The following SYNE2 variants were observed in gnomAD, a reference collection of about 807,000 sequenced individuals.
The protein encoded by SYNE2 is nesprin-2.
Under a neutral mutation model 856.3 loss-of-function variants are expected in SYNE2, and 431 were observed. That is an observed-to-expected ratio of 0.50 (90% CI 0.47 to 0.55). The LOEUF is 0.55. Ranked by LOEUF, SYNE2 falls within the 20% of genes least tolerant of loss-of-function variation. The pLI, the probability that SYNE2 is intolerant of heterozygous loss-of-function variation, is 0.00. For synonymous variants in SYNE2, 2,923 were observed against 2,872.3 expected (o/e 1.02, Z -0.56); for missense variants, 8,129 against 8,023.2 (o/e 1.01, Z -0.50).
In SYNE2 at chr14:64,153,614, G is replaced by C. The variant is rs533147948; in HGVS notation, c.15792+898G>C. Among the ~76,000 whole-genome samples, 31 of 152,318 alleles carry C rather than the reference G, an allele frequency of 2.0e-4. 1 individual carries two copies. Among genetic ancestry groups the C allele is most frequent in the African/African-American group, 5.8e-4 (24 of 41,564 alleles). Reference sequence around the variant, plus strand: ...AGAAAAATAGAGATGAGCTTATTCAGTCATTTGTTAAGCATACATTGTGTG... The same window carrying C: ...AGAAAAATAGAGATGAGCTTATTCACTCATTTGTTAAGCATACATTGTGTG... On this transcript the variant is annotated intron_variant, in intron 85 of 115. Transcript: ENST00000555002.
At chr14:63,871,940 C>T (rs1436897892) in intron 1 of SYNE2, among the ~76,000 whole-genome samples, 4 of 152,122 alleles carry the variant, frequency 2.6e-5, no homozygotes, top group Non-Finnish European at 4.4e-5. Flanking sequence ...TGGTTGTGAC[C>T]TCTTCCTCCT....
intron 62 of SYNE2, 99 bp downstream of exon 62, chr14:64,098,245 C>T (rs2097693421): frequency 7.6e-7 from 1 of 1,321,442 alleles, no homozygotes; most frequent in South Asian, 1.2e-5. Context: ...ATGTCTATGG[C>T]CTGTAGTAAA....
At chr14:63,916,449 A>G (rs2095534396) in intron 2 of SYNE2, among the ~76,000 whole-genome samples, 1 of 152,208 alleles carries the variant, frequency 6.6e-6, no homozygotes. Context: ...TCCTCGAAGT[A>G]TGTTGTAGGT....
At chr14:64,082,085 C>CAA (rs796494220) in intron 57 of SYNE2, among the ~76,000 whole-genome samples, 4 of 137,916 alleles carry the variant, frequency 2.9e-5, no homozygotes, top group African/African-American at 1.1e-4. Context: ...GACTCCGTCT[C>CAA]AAAAAAAAAA....
intron 8 of SYNE2, chr14:63,960,988 G>C: frequency 1.9e-6 from 1 of 516,116 alleles, no homozygotes; most frequent in Non-Finnish European, 3.4e-6. Context: ...CACAAAGCCT[G>C]GCCTGTAGAA....
intron 23 of SYNE2, among the ~76,000 whole-genome samples, chr14:63,996,301 C>T (rs1378782785): frequency 6.6e-6 from 1 of 152,138 alleles, no homozygotes; most frequent in Admixed American, 6.5e-5. Flanking sequence ...TTACCTAAGC[C>T]AGGGTTCTTT....
At chr14:63,766,340 A>G (rs1283741617) in intron 1 of SYNE2, among the ~76,000 whole-genome samples, 2 of 152,146 alleles carry the variant, frequency 1.3e-5, no homozygotes, top group African/African-American at 4.8e-5. Context: ...TCAGCATCCC[A>G]AAGTGCTGGG....
chr14:64,179,969 C>A (rs981773261), intron 96 of SYNE2, among the ~76,000 whole-genome samples: 1 of 152,172 alleles, frequency 6.6e-6, no homozygotes, highest in Non-Finnish European at 1.5e-5. Flanking sequence ...TCATAAAATA[C>A]GTGCTTACAT....
intron 2 of SYNE2, among the ~76,000 whole-genome samples, chr14:63,918,421 AATATGT>A (rs2153371440): frequency 6.6e-6 from 1 of 152,314 alleles, no homozygotes; most frequent in African/African-American, 2.4e-5. Flanking sequence ...TCTGTTTCTC[AATATGT>A]ATGAGAGCCA....
In SYNE2 at chr14:64,025,914, AAAAATT is replaced by A. The variant is rs559535486; in HGVS notation, c.6252+500_6252+505del. 2.6e-5 allele frequency among the ~76,000 whole-genome samples: 4 copies of A among 152,262 alleles called. No individual in the cohort carries two copies. The East Asian group carries it at 7.7e-4, about 29-fold the overall frequency. On this transcript the variant is annotated intron_variant, in intron 41 of 115. Transcript: ENST00000555002. The stretch of plus-strand genomic sequence containing the variant: ...AAGGGGAGATTCAGTAAACATTTTT[AAAAATT>A]AAAATTTAATTATAATAAATTTAAA...
chr14:63,826,531 A>G (rs1041572940), intron 1 of SYNE2, among the ~76,000 whole-genome samples: 8 of 151,956 alleles, frequency 5.3e-5, no homozygotes, highest in South Asian at 2.1e-4. Context: ...TGATCTCTTG[A>G]CCTCATGATC....
At chr14:64,005,687 G>A (rs960061573) in intron 30 of SYNE2, among the ~76,000 whole-genome samples, 8 of 152,320 alleles carry the variant, frequency 5.3e-5, no homozygotes, top group African/African-American at 1.9e-4. Context: ...CATTCAAGCA[G>A]CAATATCAAT....
chr14:64,169,368 G>T (rs2098399223), intron 93 of SYNE2, among the ~76,000 whole-genome samples: 1 of 152,184 alleles, frequency 6.6e-6, no homozygotes, highest in Non-Finnish European at 1.5e-5. Flanking sequence ...TTCCCAGTAG[G>T]TAGCTAAATC....
chr14:63,817,497 C>A (rs1297643077), intron 1 of SYNE2, among the ~76,000 whole-genome samples: 3 of 151,710 alleles, frequency 2.0e-5, no homozygotes, highest in African/African-American at 7.3e-5. Context: ...AACAAACAAA[C>A]AAACAAAAAA....
intron 11 of SYNE2, among the ~76,000 whole-genome samples, chr14:63,970,651 C>CTTTTTTTTTTTTTTT (rs61126600): frequency 8.1e-5 from 8 of 98,888 alleles, no homozygotes; most frequent in African/African-American, 1.7e-4. Flanking sequence ...TTTCTTTTTT[C>CTTTTTTTTTTTTTTT]TTTTTTTTTT....
intron 99 of SYNE2, among the ~76,000 whole-genome samples, chr14:64,201,762 A>C (rs2098568298): frequency 6.6e-6 from 1 of 152,120 alleles, no homozygotes; most frequent in African/African-American, 2.4e-5. Flanking sequence ...GCACCCATTT[A>C]TCTCTCTAGT....
intron 1 of SYNE2, among the ~76,000 whole-genome samples, chr14:63,835,698 C>T (rs1462542864): frequency 2.0e-5 from 3 of 151,854 alleles, no homozygotes; most frequent in Non-Finnish European, 4.4e-5. Context: ...TTGAAAATAT[C>T]CAAGGCCGGG....
intron 109 of SYNE2, 127 bp from the exon 110 acceptor site, chr14:64,219,081 G>A (rs2098680033): frequency 3.4e-6 from 3 of 875,780 alleles, no homozygotes; most frequent in Non-Finnish European, 1.7e-6. Flanking sequence ...CCTTCTGTCA[G>A]GGGAATCCCC....
chr14:64,049,570 A>C (rs761122788), intron 46 of SYNE2, 41 bp from the exon 47 acceptor site: 12 of 1,602,394 alleles, frequency 7.5e-6, no homozygotes, highest in Non-Finnish European at 1.0e-5. Context: ...ATGCATAAAT[A>C]AGTGAGTGTT....
Sources: allele counts gnomAD v4.1 joint callset (sites outside exome capture counted in the v4.1 genomes callset), GRCh38; gene constraint gnomAD v4.1.1; transcripts MANE v1.5; gene names NCBI Gene and HGNC (gene_info 2026-07-23, HGNC 2026-07-21).